TADA3: variants seen among roughly 807,000 people sequenced by gnomAD.
TADA3 encodes transcriptional adaptor 3.
Under a neutral mutation model 43.2 loss-of-function variants are expected in TADA3, and 25 were observed. That is an observed-to-expected ratio of 0.58 (90% CI 0.42 to 0.81). The LOEUF is 0.81. Ranked by LOEUF, TADA3 falls within the 30% of genes least tolerant of loss-of-function variation. The pLI, the probability that TADA3 is intolerant of heterozygous loss-of-function variation, is 0.00. For missense variants in TADA3, 441 were observed against 567.8 expected (o/e 0.78, Z 2.27); for synonymous variants, 235 against 225.5 (o/e 1.04, Z -0.38).
rs1367247085 is a variant in TADA3, at chr3:9,780,338, C to A, written c.*19G>T. ...CCCCTCCCCTAGGCCAGATAATCAGCCTGAGGCAGGGGTGAGGGCTACCCA... is the reference window on the plus strand; with the variant it reads ...CCCCTCCCCTAGGCCAGATAATCAGACTGAGGCAGGGGTGAGGGCTACCCA... On this transcript the variant is annotated 3_prime_UTR_variant, in exon 9 of 9. Coordinates refer to ENST00000301964, the MANE Select transcript of TADA3 (RefSeq NM_006354.5). The A allele has an allele frequency of 1.9e-6, 3 of 1,600,782 alleles. No homozygotes were observed. Among genetic ancestry groups the A allele is most frequent in the South Asian group, 1.1e-5 (1 of 90,598 alleles).
intron 7 of TADA3, among the ~76,000 whole-genome samples, chr3:9,784,522 T>C (rs1428106993): frequency 3.9e-5 from 6 of 152,134 alleles, no homozygotes; most frequent in Non-Finnish European, 5.9e-5. Context: ...TCCTAATCTT[T>C]TGCTACATAT....
At chr3:9,792,586 G>A (rs2078765456), upstream of TADA3, 8 of 1,230,046 alleles carry the variant, frequency 6.5e-6, no homozygotes, top group African/African-American at 1.6e-5. Context: ...AGCCGCTAGA[G>A]GTGGGGTGCG....
intron 8 of TADA3, among the ~76,000 whole-genome samples, chr3:9,782,455 A>C (rs1423357477): frequency 6.6e-6 from 1 of 152,236 alleles, no homozygotes; most frequent in Admixed American, 6.5e-5. Context: ...CCTGACACAC[A>C]GTAGGCCCTC....
rs1003674381 is a variant in TADA3, at chr3:9,792,381, C to A, written c.-193G>T. The A allele has an allele frequency of 6.4e-6, 4 of 627,982 alleles. No individual in the cohort carries two copies. Among genetic ancestry groups the A allele is most frequent in the Non-Finnish European group, 8.1e-6 (4 of 490,804 alleles). The allele number at this position is 627,982 out of a possible 1,614,324, so 38.9% of individuals were successfully genotyped here. On this transcript the variant is annotated 5_prime_UTR_variant, in exon 1 of 9. Coordinates refer to ENST00000301964, the MANE Select transcript of TADA3 (RefSeq NM_006354.5). ...AGGGACACCCTAGTGCGACCCCCGC[C>A]CCCTCTACCTCCTCGCTGCGGCCTC... is the stretch of plus-strand genomic sequence containing the variant.
intron 8 of TADA3, among the ~76,000 whole-genome samples, chr3:9,782,597 G>A (rs2078502216): frequency 6.6e-6 from 1 of 152,140 alleles, no homozygotes; most frequent in Non-Finnish European, 1.5e-5. Flanking sequence ...CTCTCTTGCT[G>A]GCCCCCAGCA....
Position 9,784,133 on chromosome 3 carries a change from G to A in TADA3, c.1001C>T (p.Pro334Leu). The A allele has an allele frequency of 6.2e-7, 1 of 1,614,190 alleles. No homozygotes were observed. The highest frequency in any genetic ancestry group is 8.5e-7 in the Non-Finnish European group (1 of 1,180,038). The change falls in exon 8 of 9, where the codon CCC (proline) becomes CTC (leucine). Residue 334 changes from proline (P) to leucine (L), a missense_variant. Physicochemically the swap from Pro to Leu is moderately conservative, Grantham distance 98. Transcript: ENST00000301964. The stretch of plus-strand genomic sequence containing the variant: ...GACCTCATCCTCGGAGTCCTCTGCG[G>A]GGCGGTCCTCAGACTCCAAAAGGCC... ...AQGLLESEDR[P>L]AEDSEDEVLA...
At chr3:9,787,486 C>G in intron 4 of TADA3, 146 bp from the exon 5 acceptor site, 1 of 1,251,540 alleles carries the variant, frequency 8.0e-7, no homozygotes, top group Non-Finnish European at 1.1e-6. Context: ...GAAAGTACAA[C>G]GAAGATAAAA....
rs73113564 is a variant in TADA3, at chr3:9,788,553, T to C, written c.564+956A>G. On this transcript the variant is annotated intron_variant, in intron 4 of 8. Coordinates refer to ENST00000301964, the MANE Select transcript of TADA3 (RefSeq NM_006354.5). Reference sequence around the variant, plus strand: ...AGCCACCGCACCCGGCTTTTTTTTTTTTAATGGATGGAATCTCCTTCTGTC... The same window carrying C: ...AGCCACCGCACCCGGCTTTTTTTTTCTTAATGGATGGAATCTCCTTCTGTC... Among the ~76,000 whole-genome samples the C allele has an allele frequency of 4.3e-3, 650 of 151,628 alleles. 4 individuals are homozygous for C. The highest frequency in any genetic ancestry group is 0.015 in the African/African-American group (618 of 41,302).
chr3:9,789,790 C>T lies in TADA3; in HGVS notation c.381G>A (p.Gln127=), dbSNP rs747301409. ...TGAATTCATATTCCTGGATCTTGGG[C>T]TGAAGGTTTTTGGATTTGGGCCGTC... The part of the protein sequence containing the change: ...GPGRPKSKNL[Q]PKIQEYEFTD... Residue 127 remains glutamine (Q), a synonymous_variant, in exon 3 of 9, where the codon CAG becomes CAA. Coordinates refer to ENST00000301964, the MANE Select transcript of TADA3 (RefSeq NM_006354.5). 1.2e-6 allele frequency: 2 copies of T among 1,614,226 alleles called. No individual in the cohort carries two copies. The highest frequency in any genetic ancestry group is 2.2e-5 in the South Asian group (2 of 91,084).
rs1434298501 is a variant in TADA3, at chr3:9,780,123, AC to A, written c.*233del. On this transcript the variant is annotated 3_prime_UTR_variant, in exon 9 of 9. Transcript: ENST00000301964. ...AGACCCAGAAACGAAGTCCCCTCCA[AC>A]CCCATCTCGGGGACCAAGCAGAGAC... The A allele has an allele frequency of 6.8e-6, 3 of 440,554 alleles. No homozygotes were observed. The highest frequency in any genetic ancestry group is 6.0e-5 in the African/African-American group (3 of 50,148). 27.3% of individuals were successfully genotyped at this position (440,554 alleles called of 1,614,324 possible).
At chr3:9,785,466 T>A (rs776277043) in intron 6 of TADA3, 41 bp from the exon 7 acceptor site, 5 of 1,379,756 alleles carry the variant, frequency 3.6e-6, no homozygotes, top group South Asian at 1.2e-5. Flanking sequence ...AAATAGCTGT[T>A]CCACTTTCCT....
At chr3:9,786,039 T>C (rs1246495559) in intron 6 of TADA3, among the ~76,000 whole-genome samples, 5 of 152,100 alleles carry the variant, frequency 3.3e-5, no homozygotes, top group African/African-American at 1.2e-4. Flanking sequence ...CCTGGGTTCA[T>C]GCCATTCTCC....
At chr3:9,792,857 G>A (rs2078776138), upstream of TADA3, 2 of 1,366,706 alleles carry the variant, frequency 1.5e-6, no homozygotes, top group Admixed American at 7.2e-5. Flanking sequence ...CAAGAAGGCC[G>A]AAGGCACAAA....
chr3:9,785,215 G>A, intron 7 of TADA3, 101 bp downstream of exon 7: 2 of 846,852 alleles, frequency 2.4e-6, no homozygotes, highest in Non-Finnish European at 3.8e-6. Flanking sequence ...TCACCTAACT[G>A]CCCCCAGCCT....
chr3:9,782,904 C>T (rs2125618088), intron 8 of TADA3, among the ~76,000 whole-genome samples: 1 of 152,202 alleles, frequency 6.6e-6, no homozygotes, highest in East Asian at 1.9e-4. Flanking sequence ...CGGGTTGCTT[C>T]CCTATCTCTT....
chr3:9,783,260 T>C (rs1418360729), intron 8 of TADA3: 2 of 151,466 alleles, frequency 1.3e-5, no homozygotes, highest in East Asian at 1.9e-4. Flanking sequence ...CACACAACAA[T>C]GTGAATATGG....
Position 9,780,055 on chromosome 3 carries a change from G to T in TADA3, c.*302C>A. The T allele has an allele frequency of 3.4e-6, 1 of 293,294 alleles. No homozygotes were observed. Among genetic ancestry groups the T allele is most frequent in the South Asian group, 1.2e-4 (1 of 8,332 alleles). The allele number at this position is 293,294 out of a possible 1,614,324, so 18.2% of individuals were successfully genotyped here. A position where few individuals can be genotyped will look rare whatever the true frequency, so the allele number is the denominator to read the frequency against. On this transcript the variant is annotated 3_prime_UTR_variant, in exon 9 of 9. Transcript: ENST00000301964. ...AGAAGTCCTTGAAGGGGAGACAGGGGTAGGGGATTAGGGAGTGGGGGATGG... is the reference window on the plus strand; with the variant it reads ...AGAAGTCCTTGAAGGGGAGACAGGGTTAGGGGATTAGGGAGTGGGGGATGG...
intron 2 of TADA3, 109 bp downstream of exon 2, chr3:9,791,151 C>T: frequency 1.8e-6 from 2 of 1,120,062 alleles, no homozygotes; most frequent in Non-Finnish European, 2.5e-6. Context: ...TCTCCCTCTC[C>T]CCACAAACCC....
rs545227909 is a variant in TADA3 at position 9,788,980 on chromosome 3, C to T, written c.564+529G>A. ...CCTCCCGAGTAGCTGGGACTACAGG[C>T]GCACACCGCCATGCCTGGCTAATTT... On this transcript the variant is annotated intron_variant, in intron 4 of 8. Coordinates refer to ENST00000301964, the MANE Select transcript of TADA3 (RefSeq NM_006354.5). 1.4e-4 allele frequency among the ~76,000 whole-genome samples: 22 copies of T among 152,024 alleles called. No individual in the cohort carries two copies. The East Asian group carries it at 2.7e-3, about 19-fold the overall frequency.
Sources: gnomAD v4.1 joint callset for allele counts (sites outside exome capture counted in the v4.1 genomes callset) on GRCh38, gnomAD v4.1.1 for gene constraint, MANE v1.5 for transcripts, NCBI Gene and HGNC (gene_info 2026-07-23, HGNC 2026-07-21) for gene names.